The following USH2A variants were observed in gnomAD, a reference collection of about 807,000 sequenced individuals.
The protein encoded by USH2A is usherin, also known as Usher syndrome 2A (autosomal recessive, mild).
In USH2A, 443 loss-of-function variants were observed where a neutral mutation model predicts 538.9. That is an observed-to-expected ratio of 0.82 (90% CI 0.76 to 0.89). The LOEUF is 0.89. Ranked by LOEUF, USH2A falls within the 40% of genes least tolerant of loss-of-function variation. The probability of loss-of-function intolerance (pLI) is 0.00; values close to 1 mark genes in which losing one functional copy is unlikely to be tolerated. For missense variants in USH2A, 6,633 were observed against 6,324.8 expected (o/e 1.05, Z -1.65); for synonymous variants, 2,413 against 2,273.5 (o/e 1.06, Z -1.75).
In USH2A at chr1:216,393,695, A is replaced by T. The variant is rs577451682; in HGVS notation, c.651+24819T>A. ...TACTCCACTCAGTCACGTTCAGCCT[A>T]TCTCTCCCTGCCAATCACAAGTAAA... On this transcript the variant is annotated intron_variant, in intron 3 of 71. Transcript: ENST00000307340. 1.4e-3 allele frequency among the ~76,000 whole-genome samples: 218 copies of T among 152,198 alleles called. 5 individuals carry two copies. The highest frequency in any genetic ancestry group is 1.8e-3 in the Non-Finnish European group (123 of 68,034).
Position 216,324,339 on chromosome 1 carries a change from A to G in USH2A, c.1157T>C (p.Ile386Thr). The G allele has an allele frequency of 6.2e-7, 1 of 1,611,416 alleles. No individual in the cohort carries two copies. The highest frequency in any genetic ancestry group is 8.5e-7 in the Non-Finnish European group (1 of 1,178,466). Residue 386 changes from isoleucine (I) to threonine (T), a missense_variant, in exon 7 of 72, where the codon ATC becomes ACC. Transcript: ENST00000307340. Reference protein sequence around the residue: ...ENGQYQVFYIIIQFFSPQPTE... With the variant: ...ENGQYQVFYITIQFFSPQPTE... Reference sequence around the variant, plus strand: ...TGGTTGTGGACTAAAGAACTGAATGATAATATAAAACACCTGAAAATGGAA... The same window carrying G: ...TGGTTGTGGACTAAAGAACTGAATGGTAATATAAAACACCTGAAAATGGAA...
At chr1:215,943,923 C>T (rs17025684) in intron 37 of USH2A, among the ~76,000 whole-genome samples, 1 of 152,094 alleles carries the variant, frequency 6.6e-6, no homozygotes, top group African/African-American at 2.4e-5. Flanking sequence ...TGAATTGAGA[C>T]AGCTCTAAAA....
In USH2A at chr1:215,639,327, A is replaced by C. The variant is rs77383233; in HGVS notation, c.14969-89T>G. On this transcript the variant is annotated intron_variant, in intron 68 of 71. Coordinates refer to ENST00000307340, the MANE Select transcript of USH2A (RefSeq NM_206933.4). ...TTTTAAAAGAGCAATGCATCATAGCATGAAAAATAGGATTCCAAAGCAAGT... is the reference window on the plus strand; with the variant it reads ...TTTTAAAAGAGCAATGCATCATAGCCTGAAAAATAGGATTCCAAAGCAAGT... The C allele has an allele frequency of 6.6e-5, 83 of 1,248,648 alleles. No individual in the cohort carries two copies. The South Asian group carries it at 9.3e-4, about 14-fold the overall frequency. 77.3% of individuals were successfully genotyped at this position (1,248,648 alleles called of 1,614,324 possible).
chr1:215,976,731 G>A (rs557067556), intron 35 of USH2A, among the ~76,000 whole-genome samples: 73 of 152,196 alleles, frequency 4.8e-4, no homozygotes, highest in African/African-American at 1.7e-3. Flanking sequence ...TTAACTTTTT[G>A]CTGTGCTGTT....
At chr1:216,387,277 C>T (rs1438256912) in intron 3 of USH2A, among the ~76,000 whole-genome samples, 1 of 152,152 alleles carries the variant, frequency 6.6e-6, no homozygotes, top group Non-Finnish European at 1.5e-5. Context: ...TCTGTTTTTA[C>T]TAAGCTACAA....
At chr1:215,878,533 C>T (rs2102451364) in intron 42 of USH2A, among the ~76,000 whole-genome samples, 1 of 152,206 alleles carries the variant, frequency 6.6e-6, no homozygotes, top group South Asian at 2.1e-4. Context: ...AATCCTTAGA[C>T]AATAGTGATT....
chr1:215,869,821 T>C (rs1254559709), intron 43 of USH2A, among the ~76,000 whole-genome samples: 1 of 152,224 alleles, frequency 6.6e-6, no homozygotes, highest in East Asian at 1.9e-4. Flanking sequence ...GCTAAAATGG[T>C]TGATTGTAAA....
chr1:216,292,235 G>T lies in USH2A; in HGVS notation c.1780C>A (p.Pro594Thr). Residue 594 changes from proline to threonine, a missense_variant, in exon 10 of 72, where the codon CCT becomes ACT. Physicochemically the swap from Pro to Thr is conservative, Grantham distance 38 (BLOSUM62 -1). Coordinates refer to ENST00000307340, the MANE Select transcript of USH2A (RefSeq NM_206933.4). ...CHYNISVDPFPFEHFRGGGGV... is the reference protein window; with the variant it reads ...CHYNISVDPFTFEHFRGGGGV... ...CCTCCCCCTCTGAAGTGCTCAAAAG[G>T]AAATGGGTCTACAGAGATGTTGTAA... 1 of 1,614,062 alleles carries T rather than the reference G, an allele frequency of 6.2e-7. No individual in the cohort carries two copies. Among genetic ancestry groups the T allele is most frequent in the Non-Finnish European group, 8.5e-7 (1 of 1,179,976 alleles).
intron 32 of USH2A, among the ~76,000 whole-genome samples, chr1:216,030,023 T>C (rs915356817): frequency 2.7e-5 from 4 of 147,250 alleles, no homozygotes; most frequent in African/African-American, 9.9e-5. Flanking sequence ...ATATGATATA[T>C]ATCACAGATA....
At chr1:216,219,816 T>G (rs891226410) in intron 14 of USH2A, among the ~76,000 whole-genome samples, 2 of 152,160 alleles carry the variant, frequency 1.3e-5, no homozygotes, top group African/African-American at 2.4e-5. Flanking sequence ...TGTCAAGATT[T>G]ATATAGATAA....
intron 4 of USH2A, among the ~76,000 whole-genome samples, chr1:216,350,550 T>G (rs544251724): frequency 1.3e-5 from 2 of 152,190 alleles, no homozygotes; most frequent in South Asian, 4.1e-4. Flanking sequence ...ACAGCCCCCA[T>G]GCAAGTCTGA....
intron 55 of USH2A, among the ~76,000 whole-genome samples, chr1:215,776,372 T>C (rs1212473217): frequency 6.6e-6 from 1 of 152,234 alleles, no homozygotes; most frequent in Non-Finnish European, 1.5e-5. Flanking sequence ...CTTCAATTAC[T>C]TAATGCTTTT....
chr1:216,120,138 ACT>A (rs895142743), intron 21 of USH2A, among the ~76,000 whole-genome samples: 5 of 149,204 alleles, frequency 3.4e-5, no homozygotes, highest in African/African-American at 1.2e-4. Flanking sequence ...ACTATTAATG[ACT>A]CTTGACATTT....
chr1:215,743,046 C>A, intron 59 of USH2A, 131 bp downstream of exon 59: 2 of 1,067,160 alleles, frequency 1.9e-6, no homozygotes, highest in East Asian at 2.7e-5. Flanking sequence ...TCTGGGTAAA[C>A]AGTCCACTAC....
chr1:216,234,105 T>C (rs541424410), intron 13 of USH2A, among the ~76,000 whole-genome samples: 2 of 152,298 alleles, frequency 1.3e-5, no homozygotes, highest in South Asian at 4.1e-4. Flanking sequence ...AAAAAGTGAA[T>C]CTATTCTCTT....
In USH2A at chr1:216,365,107, A is replaced by G. The variant is rs200513810; in HGVS notation, c.652-22T>C. ...GCACCTGTAAGAAATTACCACCATT[A>G]TTAGTTTAAGTGCATAAACTTTTAT... On this transcript the variant is annotated intron_variant, in intron 3 of 71. Coordinates refer to ENST00000307340, the MANE Select transcript of USH2A (RefSeq NM_206933.4). 42 of 1,607,524 alleles carry G rather than the reference A, an allele frequency of 2.6e-5. 1 individual carries two copies. The South Asian group carries it at 3.5e-4, about 13-fold the overall frequency.
At chr1:215,813,083 G>A (rs985920742) in intron 49 of USH2A, among the ~76,000 whole-genome samples, 4 of 152,152 alleles carry the variant, frequency 2.6e-5, no homozygotes, top group Non-Finnish European at 4.4e-5. Flanking sequence ...GCCTGCGAGA[G>A]ACTTGGTACT....
At chr1:216,407,714 C>CATCA (rs1451308145) in intron 3 of USH2A, among the ~76,000 whole-genome samples, 1 of 152,018 alleles carries the variant, frequency 6.6e-6, no homozygotes, top group Non-Finnish European at 1.5e-5. Flanking sequence ...TAACTGAAGG[C>CATCA]ATCAGTTAGC....
intron 37 of USH2A, among the ~76,000 whole-genome samples, chr1:215,954,306 A>T (rs1354506264): frequency 3.3e-5 from 5 of 152,094 alleles, no homozygotes; most frequent in Admixed American, 3.3e-4. Flanking sequence ...AAAGACTTGG[A>T]ACCAACCCAA....
Sources: gnomAD v4.1 joint callset for allele counts (sites outside exome capture counted in the v4.1 genomes callset) on GRCh38, gnomAD v4.1.1 for gene constraint, MANE v1.5 for transcripts, NCBI Gene and HGNC (gene_info 2026-07-23, HGNC 2026-07-21) for gene names.